Variants in DNAJB5 observed in about 807,000 individuals in gnomAD.
DNAJB5 encodes dnaJ homolog subfamily B member 5.
A neutral mutation model predicts 32.6 loss-of-function variants in DNAJB5; 12 were observed. The ratio of observed to expected loss-of-function variants is 0.37; its 90% CI spans 0.24 to 0.60. The LOEUF is 0.60. DNAJB5 is among the 20% of genes least tolerant of loss of function. DNAJB5 has a pLI of 0.71. For missense variants in DNAJB5, 358 were observed against 554.2 expected, an observed-to-expected ratio of 0.65 and a Z score of 3.55; for synonymous variants, 188 against 212.9, an observed-to-expected ratio of 0.88 and a Z score of 1.02.
In DNAJB5 at chr9:34,996,657, C is replaced by T. The variant is rs772962800; in HGVS notation, c.820C>T (p.Arg274Ter). The T allele has an allele frequency of 2.5e-6, 4 of 1,614,082 alleles. No homozygotes were observed. Among genetic ancestry groups the T allele is most frequent in the Non-Finnish European group, 2.5e-6 (3 of 1,180,010 alleles). ...ITRRRLNPDG[R>*]TVRTEDKILH... ...AAGGCGTCGCCTCAACCCTGATGGG[C>T]GAACTGTGCGCACCGAGGACAAGAT... is the stretch of plus-strand genomic sequence containing the variant. Residue 274 changes from arginine (R) to a stop codon, truncating the protein, a stop_gained, in exon 4 of 5, where the codon CGA becomes TGA. Transcript: ENST00000682809. LOFTEE classifies it high-confidence loss of function. This position sits in a 1 kb window ranked among gnomAD's most constrained non-coding sequence, Gnocchi z 7.2.
At position 34,996,148 on chromosome 9, in the gene DNAJB5, G is replaced by A; in HGVS notation, c.428-117G>A. On this transcript the variant is annotated intron_variant, in intron 3 of 4. Coordinates refer to ENST00000682809, the MANE Select transcript of DNAJB5 (RefSeq NM_001349723.3). This position sits in a 1 kb window ranked among gnomAD's most constrained non-coding sequence, Gnocchi z 7.2. ...TCTATTAGCCTGGCCCTCTCTGTGG[G>A]ATTTAAAGGTTGCTTCTTTCTTTAA... 1.5e-6 allele frequency: 2 copies of A among 1,372,042 alleles called. No homozygotes were observed. The highest frequency in any genetic ancestry group is 2.6e-4 in the Middle Eastern group (1 of 3,910). The allele number at this position is 1,372,042 out of a possible 1,614,324, so 85.0% of individuals were successfully genotyped here.
At chr9:34,994,901 ACT>A (rs1387156563) in intron 3 of DNAJB5, among the ~76,000 whole-genome samples, 14 of 151,878 alleles carry the variant, frequency 9.2e-5, no homozygotes, top group Non-Finnish European at 1.8e-4. Flanking sequence ...ATACACACAG[ACT>A]CTGTGTGCAG....
chr9:34,997,070 A>G lies in DNAJB5; in HGVS notation c.1074A>G (p.Arg358=). 1 of 1,614,020 alleles carries G rather than the reference A, an allele frequency of 6.2e-7. No homozygotes were observed. Residue 358 remains arginine (R), a synonymous_variant, in exon 5 of 5, where the codon CGA becomes CGG. Transcript: ENST00000682809. This position sits in a 1 kb window ranked among gnomAD's most constrained non-coding sequence, Gnocchi z 4.1. ...CTVNIPTIDG[R]VIPLPCNDVI... is the part of the protein sequence containing the mutation. ...TGAACATTCCCACTATCGACGGCCG[A>G]GTGATCCCTTTGCCCTGCAATGATG...
chr9:34,991,486 G>A (rs1827627172), intron 2 of DNAJB5: 1 of 453,334 alleles, frequency 2.2e-6, no homozygotes, highest in South Asian at 1.6e-5. Flanking sequence ...GTGGGTGGTT[G>A]GTGAGCCGTT....
chr9:34,990,406 C>T lies in DNAJB5; in HGVS notation c.-132-93C>T, dbSNP rs1448630183. ...CACTCCCAGCCTCACTGACACGCTG[C>T]CATACAGCCGCTCACAGCCAGCCAG... On this transcript the variant is annotated intron_variant, in intron 1 of 4. Coordinates refer to ENST00000682809, the MANE Select transcript of DNAJB5 (RefSeq NM_001349723.3). The surrounding 1 kb of genome is among the most constrained non-coding windows in gnomAD (Gnocchi z 4.5). 6.5e-7 allele frequency: 1 copy of T among 1,528,292 alleles called. No homozygotes were observed. Among genetic ancestry groups the T allele is most frequent in the African/African-American group, 1.4e-5 (1 of 73,010 alleles). 94.7% of individuals were successfully genotyped at this position (1,528,292 alleles called of 1,614,324 possible).
At chr9:34,994,621 G>A (rs1006357310) in intron 3 of DNAJB5, among the ~76,000 whole-genome samples, 17 of 152,312 alleles carry the variant, frequency 1.1e-4, no homozygotes, top group African/African-American at 3.4e-4. Context: ...TCTTGGAATT[G>A]CACCCATTCC....
In DNAJB5 at chr9:34,993,064, G is replaced by T. The variant is rs994868650; in HGVS notation, c.183-136G>T. On this transcript the variant is annotated intron_variant, in intron 2 of 4. Transcript: ENST00000682809. This position sits in a 1 kb window ranked among gnomAD's most constrained non-coding sequence, Gnocchi z 4.7. ...AGTCCAAACCTTTCATTTTACAGATGGGGGGACGCAGGCCCACAGAACAGG... is the reference window on the plus strand; with the variant it reads ...AGTCCAAACCTTTCATTTTACAGATTGGGGGACGCAGGCCCACAGAACAGG... 1.4e-6 allele frequency: 2 copies of T among 1,444,950 alleles called. No homozygotes were observed. The highest frequency in any genetic ancestry group is 1.4e-5 in the African/African-American group (1 of 69,842). 89.5% of individuals were successfully genotyped at this position (1,444,950 alleles called of 1,614,324 possible). A position where few individuals can be genotyped will look rare whatever the true frequency, so the allele number is the denominator to read the frequency against.
chr9:34,993,039 A>G lies in DNAJB5; in HGVS notation c.183-161A>G. The stretch of plus-strand genomic sequence containing the variant: ...ATGTCAGAGCCAGAAGAGATCATCT[A>G]GTCCAAACCTTTCATTTTACAGATG... On this transcript the variant is annotated intron_variant, in intron 2 of 4. Coordinates refer to ENST00000682809, the MANE Select transcript of DNAJB5 (RefSeq NM_001349723.3). This position sits in a 1 kb window ranked among gnomAD's most constrained non-coding sequence, Gnocchi z 4.7. 7.0e-7 allele frequency: 1 copy of G among 1,437,972 alleles called. No individual in the cohort carries two copies. Among genetic ancestry groups the G allele is most frequent in the African/African-American group, 1.4e-5 (1 of 69,812 alleles). 89.1% of individuals were successfully genotyped at this position (1,437,972 alleles called of 1,614,324 possible).
At chr9:34,995,765 G>A (rs999259618) in intron 3 of DNAJB5, among the ~76,000 whole-genome samples, 3 of 152,230 alleles carry the variant, frequency 2.0e-5, no homozygotes, top group Admixed American at 6.5e-5. Flanking sequence ...AGTGAAAGTG[G>A]TCTTCCTCCC....
chr9:34,996,636 C>T lies in DNAJB5; in HGVS notation c.799C>T (p.Arg267Cys), dbSNP rs377313197. 12 of 1,614,122 alleles carry T rather than the reference C, an allele frequency of 7.4e-6. No homozygotes were observed. The highest frequency in any genetic ancestry group is 5.1e-6 in the Non-Finnish European group (6 of 1,180,030). ...GSTKRMKITR[R>C]RLNPDGRTVR... ...CACCAAGCGCATGAAGATCACAAGG[C>T]GTCGCCTCAACCCTGATGGGCGAAC... is the stretch of plus-strand genomic sequence containing the variant. The change falls in exon 4 of 5, where the codon CGT (arginine) becomes TGT (cysteine). Residue 267 changes from arginine to cysteine, a missense_variant. Physicochemically the swap from Arg to Cys is radical, Grantham distance 180. Coordinates refer to ENST00000682809, the MANE Select transcript of DNAJB5 (RefSeq NM_001349723.3). The surrounding 1 kb of genome is among the most constrained non-coding windows in gnomAD (Gnocchi z 7.2).
chr9:34,991,612 A>ACCC (rs1218842236), intron 2 of DNAJB5: 7 of 112,752 alleles, frequency 6.2e-5, no homozygotes, highest in East Asian at 1.8e-4. Context: ...GAAATGGCAG[A>ACCC]CCACCCCCCC....
Position 34,990,467 on chromosome 9 carries a change from T to C in DNAJB5, c.-132-32T>C. 6.5e-7 allele frequency: 1 copy of C among 1,535,478 alleles called. No individual in the cohort carries two copies. On this transcript the variant is annotated intron_variant, in intron 1 of 4. Coordinates refer to ENST00000682809, the MANE Select transcript of DNAJB5 (RefSeq NM_001349723.3). The surrounding 1 kb of genome is among the most constrained non-coding windows in gnomAD (Gnocchi z 4.5). The stretch of plus-strand genomic sequence containing the variant: ...ACCTGAGAGCAGGTGGCCGCGGGTC[T>C]TCTCCCTTCACTCTCCACATTTGGG...
At chr9:34,991,912 T>A (rs1038910812) in intron 2 of DNAJB5, 11 of 161,706 alleles carry the variant, frequency 6.8e-5, no homozygotes, top group African/African-American at 2.4e-4. Context: ...CTTGGGCGCC[T>A]CCCCCTTACC....
intron 2 of DNAJB5, chr9:34,991,912 TC>T (rs901648431): frequency 6.2e-6 from 1 of 161,706 alleles, no homozygotes; most frequent in African/African-American, 2.4e-5. Context: ...CTTGGGCGCC[TC>T]CCCCTTACCC....
At position 34,997,088 on chromosome 9, in the gene DNAJB5, C is replaced by A; in HGVS notation, c.1092C>A (p.Cys364Ter). 6.2e-7 allele frequency: 1 copy of A among 1,614,202 alleles called. No homozygotes were observed. The highest frequency in any genetic ancestry group is 8.5e-7 in the Non-Finnish European group (1 of 1,180,056). ...ACGGCCGAGTGATCCCTTTGCCCTGCAATGATGTCATCAAGCCAGGCACCG... is the reference window on the plus strand; with the variant it reads ...ACGGCCGAGTGATCCCTTTGCCCTGAAATGATGTCATCAAGCCAGGCACCG... ...TIDGRVIPLPCNDVIKPGTVK... is the reference protein window; with the variant it reads ...TIDGRVIPLP Residue 364 changes from cysteine to a stop codon, truncating the protein, a stop_gained, in exon 5 of 5, where the codon TGC becomes TGA. Coordinates refer to ENST00000682809, the MANE Select transcript of DNAJB5 (RefSeq NM_001349723.3). LOFTEE classifies it high-confidence loss of function. The surrounding 1 kb of genome is among the most constrained non-coding windows in gnomAD (Gnocchi z 4.1).
In DNAJB5 at chr9:34,993,987, C is replaced by T. The variant is rs1035190302; in HGVS notation, c.427+543C>T. Among the ~76,000 whole-genome samples, 8 of 152,286 alleles carry T rather than the reference C, an allele frequency of 5.3e-5. No homozygotes were observed. Among genetic ancestry groups the T allele is most frequent in the South Asian group, 2.1e-4 (1 of 4,826 alleles). ...GAAGTGGCAGGGATCCAAGGGTGGA[C>T]GGGGAACTGCTGCTGGCATCTTCCC... On this transcript the variant is annotated intron_variant, in intron 3 of 4. Coordinates refer to ENST00000682809, the MANE Select transcript of DNAJB5 (RefSeq NM_001349723.3). This position sits in a 1 kb window ranked among gnomAD's most constrained non-coding sequence, Gnocchi z 4.7.
chr9:34,990,899 C>T lies in DNAJB5; in HGVS notation c.182+87C>T. 3 of 1,365,330 alleles carry T rather than the reference C, an allele frequency of 2.2e-6. No homozygotes were observed. Among genetic ancestry groups the T allele is most frequent in the Non-Finnish European group, 3.0e-6 (3 of 1,013,438 alleles). The allele number at this position is 1,365,330 out of a possible 1,614,324, so 84.6% of individuals were successfully genotyped here. A position where few individuals can be genotyped will look rare whatever the true frequency, so the allele number is the denominator to read the frequency against. Reference sequence around the variant, plus strand: ...CCCCTCCATTGCCTTCCTGCTTCCTCCAACTCATCCTCATCCCCTCTGTGA... The same window carrying T: ...CCCCTCCATTGCCTTCCTGCTTCCTTCAACTCATCCTCATCCCCTCTGTGA... On this transcript the variant is annotated intron_variant, in intron 2 of 4. Coordinates refer to ENST00000682809, the MANE Select transcript of DNAJB5 (RefSeq NM_001349723.3). The surrounding 1 kb of genome is among the most constrained non-coding windows in gnomAD (Gnocchi z 4.5).
At position 34,997,238 on chromosome 9, in the gene DNAJB5, G is replaced by A; in HGVS notation, c.1242G>A (p.Lys414=). 1 of 1,614,156 alleles carries A rather than the reference G, an allele frequency of 6.2e-7. No individual in the cohort carries two copies. Among genetic ancestry groups the A allele is most frequent in the Non-Finnish European group, 8.5e-7 (1 of 1,180,034 alleles). Residue 414 remains lysine, a synonymous_variant, in exon 5 of 5, where the codon AAG becomes AAA. Coordinates refer to ENST00000682809, the MANE Select transcript of DNAJB5 (RefSeq NM_001349723.3). This position sits in a 1 kb window ranked among gnomAD's most constrained non-coding sequence, Gnocchi z 4.1. Reference sequence around the variant, plus strand: ...CACCACAGACAAGACAGATCCTTAAGCAGCACCTACCCTGTTCCTAGGCTC... The same window carrying A: ...CACCACAGACAAGACAGATCCTTAAACAGCACCTACCCTGTTCCTAGGCTC... The part of the protein sequence containing the change: ...RLTPQTRQIL[K]QHLPCS
chr9:34,998,476 G>C (rs995638857), downstream of DNAJB5: 1 of 152,240 alleles, frequency 6.6e-6, no homozygotes, highest in Non-Finnish European at 1.5e-5. Context: ...TGGCTGAGGA[G>C]GGCCACTGTC....
Sources: allele counts gnomAD v4.1 joint callset (sites outside exome capture counted in the v4.1 genomes callset), GRCh38; gene constraint gnomAD v4.1.1; non-coding constraint Gnocchi (gnomAD v3.1); transcripts MANE v1.5; gene names NCBI Gene and HGNC (gene_info 2026-07-23, HGNC 2026-07-21).